Variants in MAGI2 observed in about 807,000 individuals in gnomAD.
MAGI2 encodes the protein membrane associated guanylate kinase, WW and PDZ domain containing 2.
Under a neutral mutation model 133.3 loss-of-function variants are expected in MAGI2, and 35 were observed. That is an observed-to-expected ratio of 0.26 (90% CI 0.20 to 0.35). The LOEUF (loss-of-function observed/expected upper bound fraction) is 0.35, where lower values mean the gene tolerates loss of function less well. Among genes scored for constraint, MAGI2 ranks in the 10% least tolerant of loss-of-function variants. The pLI, the probability that MAGI2 is intolerant of heterozygous loss-of-function variation, is 1.00. For synonymous variants in MAGI2, 729 were observed against 710.6 expected (o/e 1.03, Z -0.41); for missense variants, 1,636 against 1,863.4 (o/e 0.88, Z 2.25).
chr7:78,680,989 A>G (rs1032583504), intron 2 of MAGI2, among the ~76,000 whole-genome samples: 4 of 152,136 alleles, frequency 2.6e-5, no homozygotes, highest in Non-Finnish European at 1.5e-5. Context: ...GCGACACTGC[A>G]GGATCATCTC....
chr7:79,243,553 G>A (rs1008015815), intron 1 of MAGI2, among the ~76,000 whole-genome samples: 1 of 152,120 alleles, frequency 6.6e-6, no homozygotes, highest in African/African-American at 2.4e-5. Context: ...ATGATCTCCA[G>A]GGAAATGAGT....
Position 79,155,887 on chromosome 7 carries a change from G to A in MAGI2, c.302-148681C>T, listed in dbSNP as rs142462880. ...AACATTAAAAAAATGTTATACTGATGGAAGTATAAGTGAAGAAGCATCAAA... is the reference window on the plus strand; with the variant it reads ...AACATTAAAAAAATGTTATACTGATAGAAGTATAAGTGAAGAAGCATCAAA... On this transcript the variant is annotated intron_variant, in intron 1 of 21. Coordinates refer to ENST00000354212, the MANE Select transcript of MAGI2 (RefSeq NM_012301.4). Among the ~76,000 whole-genome samples, 23 of 152,226 alleles carry A rather than the reference G, an allele frequency of 1.5e-4. No homozygotes were observed. The East Asian group carries it at 4.3e-3, about 28-fold the overall frequency.
chr7:78,692,349 T>G (rs527526750), intron 2 of MAGI2, among the ~76,000 whole-genome samples: 1 of 152,208 alleles, frequency 6.6e-6, no homozygotes, highest in Non-Finnish European at 1.5e-5. Flanking sequence ...TGTCCACGGC[T>G]TCCCTCTAGA....
chr7:78,392,656 T>C (rs1475087661), intron 6 of MAGI2, among the ~76,000 whole-genome samples: 1 of 152,218 alleles, frequency 6.6e-6, no homozygotes. Context: ...TTTTTGAGAA[T>C]AAATTTATAT....
chr7:78,585,073 G>T (rs1803259433), intron 3 of MAGI2, among the ~76,000 whole-genome samples: 1 of 152,114 alleles, frequency 6.6e-6, no homozygotes, highest in South Asian at 2.1e-4. Flanking sequence ...GATAAAAGGG[G>T]TTCCAGAAAA....
intron 3 of MAGI2, among the ~76,000 whole-genome samples, chr7:78,555,200 G>GGATGGATAGATAGATA (rs1319456396): frequency 6.4e-4 from 59 of 92,712 alleles, no homozygotes; most frequent in Non-Finnish European, 1.1e-3. Flanking sequence ...TTGGATGGAT[G>GGATGGATAGATAGATA]GATAGATAGA....
chr7:79,174,577 T>C (rs1356021118), intron 1 of MAGI2, among the ~76,000 whole-genome samples: 3 of 151,758 alleles, frequency 2.0e-5, no homozygotes, highest in Non-Finnish European at 4.4e-5. Flanking sequence ...TTAAGCTGGG[T>C]GCAGTGGCTC....
chr7:78,650,002 TGTGA>T (rs1011932293), intron 2 of MAGI2, among the ~76,000 whole-genome samples: 1 of 152,314 alleles, frequency 6.6e-6, no homozygotes, highest in Non-Finnish European at 1.5e-5. Context: ...GGCCTGAGAT[TGTGA>T]GTGTCTAACA....
chr7:79,125,011 A>G (rs1314857673), intron 1 of MAGI2: 7 of 243,838 alleles, frequency 2.9e-5, no homozygotes, highest in Non-Finnish European at 5.7e-5. Context: ...ACTCAAGAGA[A>G]GATTCTCAAA....
intron 6 of MAGI2, among the ~76,000 whole-genome samples, chr7:78,434,055 CTTCAG>C (rs1800048922): frequency 6.6e-6 from 1 of 152,088 alleles, no homozygotes; most frequent in African/African-American, 2.4e-5. Flanking sequence ...TTGCTTTTTG[CTTCAG>C]TTGTTTCCAC....
intron 2 of MAGI2, among the ~76,000 whole-genome samples, chr7:78,689,866 A>G (rs1816778706): frequency 6.6e-6 from 1 of 152,046 alleles, no homozygotes; most frequent in Non-Finnish European, 1.5e-5. Context: ...TCTTAGGATT[A>G]GAGCTGTTAT....
chr7:79,306,921 C>A (rs1036157704), intron 1 of MAGI2, among the ~76,000 whole-genome samples: 8 of 151,984 alleles, frequency 5.3e-5, no homozygotes, highest in African/African-American at 1.7e-4. Flanking sequence ...TCAAGCAGTT[C>A]CCCTGCCTCA....
At chr7:79,023,056 T>G (rs889315786) in intron 1 of MAGI2, among the ~76,000 whole-genome samples, 1 of 152,168 alleles carries the variant, frequency 6.6e-6, no homozygotes, top group African/African-American at 2.4e-5. Flanking sequence ...CAGGCTAATA[T>G]CATTTATGAA....
At position 78,560,067 on chromosome 7, in the gene MAGI2, A is replaced by G. The variant is rs528594465; in HGVS notation, c.539-38422T>C. Among the ~76,000 whole-genome samples the G allele has an allele frequency of 2.0e-4, 30 of 152,308 alleles. 1 individual carries two copies. Among genetic ancestry groups the G allele is most frequent in the Non-Finnish European group, 3.5e-4 (24 of 68,014 alleles). On this transcript the variant is annotated intron_variant, in intron 3 of 21. Coordinates refer to ENST00000354212, the MANE Select transcript of MAGI2 (RefSeq NM_012301.4). ...GGATGACAAAAGAAAAAAATATTAC[A>G]TGTTCCATGCCCACACAAAGCAGGG...
At chr7:79,135,938 CGAA>C (rs1821359853) in intron 1 of MAGI2, among the ~76,000 whole-genome samples, 1 of 63,044 alleles carries the variant, frequency 1.6e-5, no homozygotes, top group Non-Finnish European at 2.6e-5. Context: ...AAAATCCTCT[CGAA>C]AGAAAGAAAG....
Position 78,303,378 on chromosome 7 carries a change from C to CAAAA in MAGI2, c.1408+40396_1408+40399dup, listed in dbSNP as rs11377993. On this transcript the variant is annotated intron_variant, in intron 9 of 21. Coordinates refer to ENST00000354212, the MANE Select transcript of MAGI2 (RefSeq NM_012301.4). ...TGGGCAACAAGAGCAAAACTGTCTC[C>CAAAA]AAAAAAAAAAAAAAAAAAAAAAAAA... Among the ~76,000 whole-genome samples the CAAAA allele has an allele frequency of 1.4e-3, 47 of 33,302 alleles. 1 individual carries two copies. The highest frequency in any genetic ancestry group is 2.2e-3 in the East Asian group (2 of 894). The allele number at this position is 33,302 out of a possible 152,430, so 21.8% of individuals were successfully genotyped here.
rs1329641967 is a variant in MAGI2, at chr7:78,127,362, AGGCTGTC to A, written c.3251_3257del (p.Arg1084LeufsTer89). The A allele has an allele frequency of 6.2e-7, 1 of 1,608,904 alleles. No homozygotes were observed. Among genetic ancestry groups the A allele is most frequent in the Admixed American group, 1.7e-5 (1 of 59,996 alleles). On this transcript the variant is annotated frameshift_variant, in exon 19 of 22. Coordinates refer to ENST00000354212, the MANE Select transcript of MAGI2 (RefSeq NM_012301.4). LOFTEE classifies it high-confidence loss of function. ...GGGGCTGCCTGTAGTCTGTGAATGG[AGGCTGTC>A]GGATGTCTGGTTTCACATCTTGCCT...
At chr7:79,388,693 T>C (rs1844377565) in intron 1 of MAGI2, among the ~76,000 whole-genome samples, 1 of 151,902 alleles carries the variant, frequency 6.6e-6, no homozygotes, top group African/African-American at 2.4e-5. Flanking sequence ...GGTCATCTAG[T>C]TCATATTGTA....
intron 2 of MAGI2, among the ~76,000 whole-genome samples, chr7:78,738,252 G>A (rs1180353080): frequency 6.6e-6 from 1 of 152,058 alleles, no homozygotes; most frequent in Non-Finnish European, 1.5e-5. Context: ...TAGTATTAGA[G>A]GAAAAGTGAT....
Sources: gnomAD v4.1 joint callset for allele counts (sites outside exome capture counted in the v4.1 genomes callset) on GRCh38, gnomAD v4.1.1 for gene constraint, MANE v1.5 for transcripts, NCBI Gene and HGNC (gene_info 2026-07-23, HGNC 2026-07-21) for gene names.